The following CCDC85A variants were observed in gnomAD, a reference collection of about 807,000 sequenced individuals.
The protein encoded by CCDC85A is coiled-coil domain containing 85A, also known as coiled-coil domain-containing protein 85A.
A neutral mutation model predicts 50.2 loss-of-function variants in CCDC85A; 38 were observed. The ratio of observed to expected loss-of-function variants is 0.76; its 90% CI spans 0.58 to 0.99. CCDC85A has a LOEUF of 0.99. Among genes scored for constraint, CCDC85A ranks in the 50% least tolerant of loss-of-function variants. The pLI, the probability that CCDC85A is intolerant of heterozygous loss-of-function variation, is 0.00. For missense variants in CCDC85A, 820 were observed against 742.0 expected, an observed-to-expected ratio of 1.11 and a Z score of -1.22; for synonymous variants, 366 against 301.4, an observed-to-expected ratio of 1.21 and a Z score of -2.22.
At chr2:56,233,178 G>C (rs1003277264) in intron 2 of CCDC85A, among the ~76,000 whole-genome samples, 8 of 152,158 alleles carry the variant, frequency 5.3e-5, no homozygotes, top group African/African-American at 1.7e-4. Flanking sequence ...GCTCCTGGTA[G>C]ACCTGGGCTA....
chr2:56,197,999 A>G (rs1452778352), intron 2 of CCDC85A, among the ~76,000 whole-genome samples: 2 of 148,426 alleles, frequency 1.3e-5, no homozygotes, highest in East Asian at 4.1e-4. Context: ...GGTATTTCCC[A>G]CAAGAGAATA....
intron 2 of CCDC85A, among the ~76,000 whole-genome samples, chr2:56,193,823 G>T (rs1676422007): frequency 6.6e-6 from 1 of 152,154 alleles, no homozygotes; most frequent in African/African-American, 2.4e-5. Flanking sequence ...ACCAGAGCTT[G>T]TTTGTGGAAT....
At chr2:56,341,192 G>T (rs1674350932) in intron 2 of CCDC85A, among the ~76,000 whole-genome samples, 1 of 152,158 alleles carries the variant, frequency 6.6e-6, no homozygotes, top group South Asian at 2.1e-4. Flanking sequence ...TCCAGAGGAA[G>T]ATCATATACC....
At chr2:56,339,875 C>T (rs867206596) in intron 2 of CCDC85A, among the ~76,000 whole-genome samples, 1 of 152,078 alleles carries the variant, frequency 6.6e-6, no homozygotes, top group African/African-American at 2.4e-5. Flanking sequence ...AAATCAATAA[C>T]TTTGCTATTC....
At chr2:56,319,586 T>C (rs1284648288) in intron 2 of CCDC85A, among the ~76,000 whole-genome samples, 1 of 152,072 alleles carries the variant, frequency 6.6e-6, no homozygotes, top group Non-Finnish European at 1.5e-5. Flanking sequence ...ATAGAATAAA[T>C]AAACAATGAA....
chr2:56,200,629 G>A (rs532660807), intron 2 of CCDC85A, among the ~76,000 whole-genome samples: 1 of 152,328 alleles, frequency 6.6e-6, no homozygotes, highest in Admixed American at 6.5e-5. Flanking sequence ...TCCTTTAGCA[G>A]CAGAGAGGCA....
chr2:56,265,068 G>A (rs1315420473), intron 2 of CCDC85A, among the ~76,000 whole-genome samples: 2 of 151,980 alleles, frequency 1.3e-5, no homozygotes, highest in African/African-American at 2.4e-5. Context: ...TTTCTCCATA[G>A]CACTTGCCAC....
In CCDC85A at chr2:56,384,189, A is replaced by G. The variant is rs987715197; in HGVS notation, c.1573-77A>G. The G allele has an allele frequency of 7.7e-6, 10 of 1,304,372 alleles. No homozygotes were observed. In the African/African-American group the frequency reaches 1.3e-4, roughly 17 times the overall value. 80.8% of individuals were successfully genotyped at this position (1,304,372 alleles called of 1,614,324 possible). On this transcript the variant is annotated intron_variant, in intron 5 of 5. Transcript: ENST00000407595. Reference sequence around the variant, plus strand: ...TTTACTTCATCTTCGCTCCTCTCTTAATTTACCCTTAAGAAATGCAAATCT... The same window carrying G: ...TTTACTTCATCTTCGCTCCTCTCTTGATTTACCCTTAAGAAATGCAAATCT...
intron 2 of CCDC85A, among the ~76,000 whole-genome samples, chr2:56,206,791 C>A (rs1676980799): frequency 6.6e-6 from 1 of 152,194 alleles, no homozygotes; most frequent in Non-Finnish European, 1.5e-5. Flanking sequence ...ATGATCAGTG[C>A]TTGAGGGCTT....
chr2:56,225,089 AT>A (rs35003367), intron 2 of CCDC85A, among the ~76,000 whole-genome samples: 126,088 of 149,692 alleles, frequency 0.84, 53,069 homozygotes, highest in African/African-American at 0.87. Flanking sequence ...ATTTTTGTTC[AT>A]TTTTTTTTTT....
At chr2:56,381,544 T>G (rs1676586609) in intron 5 of CCDC85A, among the ~76,000 whole-genome samples, 1 of 152,050 alleles carries the variant, frequency 6.6e-6, no homozygotes, top group African/African-American at 2.4e-5. Flanking sequence ...TAATTCTATA[T>G]TTGAAGAAAT....
chr2:56,379,904 G>A, intron 5 of CCDC85A: 3 of 531,528 alleles, frequency 5.6e-6, no homozygotes, highest in Non-Finnish European at 7.2e-6. Flanking sequence ...TCGTAGCTTA[G>A]CTATTGTTTT....
At chr2:56,313,992 G>A (rs1009330579) in intron 2 of CCDC85A, among the ~76,000 whole-genome samples, 2 of 151,158 alleles carry the variant, frequency 1.3e-5, no homozygotes, top group Non-Finnish European at 2.9e-5. Flanking sequence ...GGCAACAGGT[G>A]AAGTTTTGGC....
chr2:56,234,196 T>C (rs1312122468), intron 2 of CCDC85A, among the ~76,000 whole-genome samples: 2 of 152,184 alleles, frequency 1.3e-5, no homozygotes, highest in African/African-American at 2.4e-5. Context: ...CATGAGCCCA[T>C]AGACTTTCAC....
intron 2 of CCDC85A, among the ~76,000 whole-genome samples, chr2:56,301,057 C>A (rs1672179819): frequency 6.6e-6 from 1 of 152,040 alleles, no homozygotes. Flanking sequence ...TCTTTCCAAG[C>A]TGCAAATAAA....
intron 3 of CCDC85A, among the ~76,000 whole-genome samples, chr2:56,355,410 A>G (rs903657614): frequency 1.3e-5 from 2 of 152,078 alleles, no homozygotes; most frequent in African/African-American, 2.4e-5. Flanking sequence ...TCTATAGTCT[A>G]TTTCTTACCT....
chr2:56,363,115 T>G (rs146973769), intron 3 of CCDC85A, among the ~76,000 whole-genome samples: 1 of 152,228 alleles, frequency 6.6e-6, no homozygotes, highest in African/African-American at 2.4e-5. Flanking sequence ...GTATTTTTTT[T>G]ATAAGAAGGT....
chr2:56,373,398 T>C (rs1676179411), intron 4 of CCDC85A, among the ~76,000 whole-genome samples: 1 of 151,938 alleles, frequency 6.6e-6, no homozygotes, highest in African/African-American at 2.4e-5. Context: ...AAAAAGTGTG[T>C]TTTTTAATAG....
chr2:56,225,256 C>T (rs1257881036), intron 2 of CCDC85A, among the ~76,000 whole-genome samples: 1 of 152,040 alleles, frequency 6.6e-6, no homozygotes, highest in Non-Finnish European at 1.5e-5. Flanking sequence ...AACCCCATCT[C>T]TACTAAAATT....
Sources: allele counts gnomAD v4.1 joint callset (sites outside exome capture counted in the v4.1 genomes callset), GRCh38; gene constraint gnomAD v4.1.1; transcripts MANE v1.5; gene names NCBI Gene and HGNC (gene_info 2026-07-23, HGNC 2026-07-21).